The following CFAP20DC variants were observed in gnomAD, a reference collection of about 807,000 sequenced individuals.
CFAP20DC encodes the protein protein CFAP20DC.
CFAP20DC carries 84 observed loss-of-function variants against 101.7 expected under a neutral mutation model. The observed-to-expected ratio is 0.83, with a 90% CI of 0.69 to 0.99. CFAP20DC has a LOEUF of 0.99. Ranked by LOEUF, CFAP20DC falls within the 50% of genes least tolerant of loss-of-function variation. The probability of loss-of-function intolerance (pLI) is 0.00; values close to 1 mark genes in which losing one functional copy is unlikely to be tolerated. For missense variants in CFAP20DC, 1,007 were observed against 970.3 expected (o/e 1.04, Z -0.50); for synonymous variants, 359 against 351.2 (o/e 1.02, Z -0.25).
At chr3:58,815,995 C>A (rs573860740) in intron 14 of CFAP20DC, among the ~76,000 whole-genome samples, 1 of 151,752 alleles carries the variant, frequency 6.6e-6, no homozygotes, top group Non-Finnish European at 1.5e-5. Flanking sequence ...TTTGACCCAG[C>A]CATCCCATTA....
chr3:58,840,917 C>T (rs2077057729), intron 13 of CFAP20DC, among the ~76,000 whole-genome samples: 1 of 152,210 alleles, frequency 6.6e-6, no homozygotes, highest in Non-Finnish European at 1.5e-5. Context: ...AAGAACAAAG[C>T]CAGGACTCAA....
chr3:58,805,316 G>A (rs957744308), intron 15 of CFAP20DC, among the ~76,000 whole-genome samples: 1 of 152,206 alleles, frequency 6.6e-6, no homozygotes, highest in Non-Finnish European at 1.5e-5. Flanking sequence ...AGCAGAGATG[G>A]AGTGAAGAGA....
chr3:58,890,335 G>C (rs1258668590), intron 6 of CFAP20DC, among the ~76,000 whole-genome samples: 1 of 142,886 alleles, frequency 7.0e-6, no homozygotes, highest in East Asian at 2.2e-4. Flanking sequence ...CCTCCCGGAC[G>C]GGGCGGCTGG....
In CFAP20DC at chr3:58,855,831, A is replaced by G. The variant is rs868783297; in HGVS notation, c.1594-6422T>C. Among the ~76,000 whole-genome samples the G allele has an allele frequency of 2.8e-3, 289 of 104,584 alleles. 7 individuals are homozygous for G. In the Middle Eastern group the frequency reaches 0.063, roughly 23 times the overall value. The allele number at this position is 104,584 out of a possible 152,430, so 68.6% of individuals were successfully genotyped here. A position where few individuals can be genotyped will look rare whatever the true frequency, so the allele number is the denominator to read the frequency against. ...AGGGGAACATCACAGTCTGGGGACTATTGTGGGGTGGGGGGAGGGGGGAGG... is the reference window on the plus strand; with the variant it reads ...AGGGGAACATCACAGTCTGGGGACTGTTGTGGGGTGGGGGGAGGGGGGAGG... On this transcript the variant is annotated intron_variant, in intron 12 of 16. Transcript: ENST00000482387.
chr3:58,800,444 G>A, intron 15 of CFAP20DC, among the ~76,000 whole-genome samples: 1 of 152,160 alleles, frequency 6.6e-6, no homozygotes, highest in South Asian at 2.1e-4. Context: ...AAGCAAAGGT[G>A]GAGAGGGGTA....
chr3:58,897,467 G>A lies in CFAP20DC; in HGVS notation c.551-12758C>T, dbSNP rs1188978696. 2.0e-5 allele frequency among the ~76,000 whole-genome samples: 3 copies of A among 152,184 alleles called. No homozygotes were observed. The highest frequency in any genetic ancestry group is 7.2e-5 in the African/African-American group (3 of 41,442). ...GTGGTTGCTTCAATGTTACTGGGCTGTGTACTTCAGATACACTGTACTTCA... is the reference window on the plus strand; with the variant it reads ...GTGGTTGCTTCAATGTTACTGGGCTATGTACTTCAGATACACTGTACTTCA... On this transcript the variant is annotated intron_variant, in intron 6 of 16. Coordinates refer to ENST00000482387, the MANE Select transcript of CFAP20DC (RefSeq NM_001394063.1). This position sits in a 1 kb window ranked among gnomAD's most constrained non-coding sequence, Gnocchi z 4.4.
At chr3:59,019,765 T>C (rs909428840) in intron 4 of CFAP20DC, among the ~76,000 whole-genome samples, 3 of 152,118 alleles carry the variant, frequency 2.0e-5, no homozygotes, top group Non-Finnish European at 4.4e-5. Flanking sequence ...GTTTTCAAAA[T>C]GTGGTTAAGG....
chr3:58,829,796 C>T (rs1320270434), intron 14 of CFAP20DC, among the ~76,000 whole-genome samples: 4 of 152,130 alleles, frequency 2.6e-5, no homozygotes, highest in Non-Finnish European at 5.9e-5. Context: ...CCAGGGCAAC[C>T]AAGAGTTCAG....
chr3:58,753,449 TA>T (rs2068710844), intron 16 of CFAP20DC, among the ~76,000 whole-genome samples: 1 of 152,182 alleles, frequency 6.6e-6, no homozygotes, highest in East Asian at 1.9e-4. Flanking sequence ...TCAAAATTCA[TA>T]AAGGTCACAC....
chr3:58,986,257 T>C (rs2092747155), intron 4 of CFAP20DC, among the ~76,000 whole-genome samples: 1 of 152,106 alleles, frequency 6.6e-6, no homozygotes, highest in Admixed American at 6.6e-5. Context: ...GATGCCAAAG[T>C]AGGGTATGTG....
chr3:58,776,919 A>G (rs2071387011), intron 15 of CFAP20DC, among the ~76,000 whole-genome samples: 1 of 151,862 alleles, frequency 6.6e-6, no homozygotes, highest in African/African-American at 2.4e-5. Flanking sequence ...CAACCTCTGG[A>G]CTCTTCCACT....
intron 2 of CFAP20DC, 91 bp downstream of exon 2, chr3:59,047,074 A>G (rs1449272863): frequency 2.4e-6 from 2 of 829,672 alleles, no homozygotes; most frequent in Non-Finnish European, 3.8e-6. Flanking sequence ...AACAGGAAAA[A>G]CAGCTCTGAA....
intron 6 of CFAP20DC, among the ~76,000 whole-genome samples, chr3:58,904,054 T>C (rs1043749397): frequency 6.6e-6 from 1 of 152,188 alleles, no homozygotes; most frequent in Non-Finnish European, 1.5e-5. Flanking sequence ...ATTGGAATTT[T>C]TGGAGAAATT....
chr3:58,758,975 G>C (rs954155579), intron 15 of CFAP20DC, among the ~76,000 whole-genome samples: 15 of 152,138 alleles, frequency 9.9e-5, no homozygotes. Context: ...CTTTGCTATT[G>C]TGAATAGTGC....
intron 4 of CFAP20DC, among the ~76,000 whole-genome samples, chr3:58,951,121 G>A (rs568973709): frequency 6.6e-6 from 1 of 152,284 alleles, no homozygotes; most frequent in East Asian, 1.9e-4. Flanking sequence ...CTTCTCAAAA[G>A]AAGACATTTA....
chr3:58,849,604 A>G (rs1383276413), intron 12 of CFAP20DC, among the ~76,000 whole-genome samples, 195 bp from the exon 13 acceptor site: 2 of 152,196 alleles, frequency 1.3e-5, no homozygotes, highest in African/African-American at 4.8e-5. Context: ...GCCATTTGCT[A>G]AAATGTCCTG....
intron 14 of CFAP20DC, among the ~76,000 whole-genome samples, chr3:58,830,932 C>G (rs1332973403): frequency 6.6e-6 from 1 of 152,132 alleles, no homozygotes; most frequent in Non-Finnish European, 1.5e-5. Flanking sequence ...GTTGTTTACG[C>G]TCTGTCTTTC....
intron 4 of CFAP20DC, among the ~76,000 whole-genome samples, chr3:58,991,093 T>C (rs1235882523): frequency 6.6e-6 from 1 of 152,190 alleles, no homozygotes; most frequent in Non-Finnish European, 1.5e-5. Flanking sequence ...ACATTAAAAA[T>C]ATCTTTTCTA....
rs1246019148 is a variant in CFAP20DC, at chr3:58,721,226, C to T, written c.198-3598G>A. Among the ~76,000 whole-genome samples the T allele has an allele frequency of 6.6e-6, 1 of 152,172 alleles. No homozygotes were observed. Among genetic ancestry groups the T allele is most frequent in the African/African-American group, 2.4e-5 (1 of 41,442 alleles). ...GTCCGGTGGATAGGAGGTACTCAAT[C>T]ACTATATAAATATGTTCCAACACGT... On this transcript the variant is annotated intron_variant, in intron 3 of 3. Coordinates refer to the CFAP20DC transcript ENST00000486145. This position sits in a 1 kb window ranked among gnomAD's most constrained non-coding sequence, Gnocchi z 5.2.
Sources: gnomAD v4.1 joint callset for allele counts (sites outside exome capture counted in the v4.1 genomes callset) on GRCh38, gnomAD v4.1.1 for gene constraint, Gnocchi (gnomAD v3.1) non-coding constraint, MANE v1.5 for transcripts, NCBI Gene and HGNC (gene_info 2026-07-23, HGNC 2026-07-21) for gene names.